DNAI1: variants seen among roughly 807,000 people sequenced by gnomAD.
DNAI1 encodes the protein dynein, axonemal, intermediate polypeptide 1.
A neutral mutation model predicts 92.0 loss-of-function variants in DNAI1; 67 were observed. The observed-to-expected ratio is 0.73, with a 90% CI of 0.60 to 0.89. DNAI1 has a LOEUF of 0.89. Among genes scored for constraint, DNAI1 ranks in the 40% least tolerant of loss-of-function variants. The pLI is 0.00. For missense variants in DNAI1, 839 were observed against 866.6 expected, an observed-to-expected ratio of 0.97 and a Z score of 0.40; for synonymous variants, 323 against 319.6, an observed-to-expected ratio of 1.01 and a Z score of -0.11.
chr9:34,477,580 G>A (rs1824262598), intron 1 of DNAI1, among the ~76,000 whole-genome samples: 1 of 152,158 alleles, frequency 6.6e-6, no homozygotes, highest in Non-Finnish European at 1.5e-5. Flanking sequence ...GCAAAAGATA[G>A]TAAGGGCCTG....
intron 4 of DNAI1, 50 bp downstream of exon 4, chr9:34,485,567 T>G (rs1418087534): frequency 6.4e-7 from 1 of 1,551,906 alleles, no homozygotes. Flanking sequence ...CTCCTTGGAG[T>G]GACAGTGACT....
chr9:34,520,523 A>G, intron 19 of DNAI1, 135 bp from the exon 20 acceptor site: 1 of 787,324 alleles, frequency 1.3e-6, no homozygotes, highest in Non-Finnish European at 2.2e-6. Flanking sequence ...GGGAGAGGGG[A>G]GGCAGGGATC....
At chr9:34,474,211 A>G (rs896858534) in intron 1 of DNAI1, among the ~76,000 whole-genome samples, 1 of 151,966 alleles carries the variant, frequency 6.6e-6, no homozygotes, top group African/African-American at 2.4e-5. Context: ...TATACATCTT[A>G]TTCAGGTGTG....
At chr9:34,459,197 ACT>A in intron 1 of DNAI1, 144 bp downstream of exon 1, 2 of 789,338 alleles carry the variant, frequency 2.5e-6, no homozygotes, top group Non-Finnish European at 4.3e-6. Context: ...AAGTGCTCCC[ACT>A]GACCTCTGAC....
intron 18 of DNAI1, among the ~76,000 whole-genome samples, chr9:34,515,722 G>C (rs1484501244): frequency 6.6e-6 from 1 of 152,190 alleles, no homozygotes; most frequent in Non-Finnish European, 1.5e-5. Flanking sequence ...TAAAAAGCCA[G>C]TCACAAAAGA....
chr9:34,489,462 G>A lies in DNAI1; in HGVS notation c.388+13G>A. The A allele has an allele frequency of 1.9e-6, 3 of 1,612,774 alleles. No individual in the cohort carries two copies. The highest frequency in any genetic ancestry group is 2.5e-6 in the Non-Finnish European group (3 of 1,179,834). On this transcript the variant is annotated intron_variant, in intron 5 of 19. Transcript: ENST00000242317. ...GAATTAGTGGCAGGTAGGACTCTGG[G>A]CCATCCTGAAGCTACAGCCCTGAGC...
At chr9:34,480,922 G>C (rs569270810) in intron 1 of DNAI1, among the ~76,000 whole-genome samples, 1 of 152,288 alleles carries the variant, frequency 6.6e-6, no homozygotes, top group South Asian at 2.1e-4. Context: ...CTCCAGCCTA[G>C]GCAACAGAGT....
At chr9:34,506,512 C>CGAA in intron 12 of DNAI1, 115 bp from the exon 13 acceptor site, 1 of 1,414,526 alleles carries the variant, frequency 7.1e-7, no homozygotes, top group Non-Finnish European at 9.8e-7. Flanking sequence ...ATCCCACACT[C>CGAA]TGACAGATGC....
At chr9:34,482,672 C>A (rs1198071248) in intron 1 of DNAI1, among the ~76,000 whole-genome samples, 2 of 152,286 alleles carry the variant, frequency 1.3e-5, no homozygotes, top group Non-Finnish European at 2.9e-5. Context: ...TCCACGTCCC[C>A]ACCAGACTTA....
Position 34,465,359 on chromosome 9 carries a change from A to G in DNAI1, c.48+6306A>G, listed in dbSNP as rs1824018126. 1.3e-5 allele frequency among the ~76,000 whole-genome samples: 2 copies of G among 151,336 alleles called. 1 individual carries two copies. The highest frequency in any genetic ancestry group is 4.1e-4 in the South Asian group (2 of 4,832). ...AGGAGGAGGCACACTTTGTAACAGG[A>G]CAGGAGAAGGGATGGATGCAGTTGA... On this transcript the variant is annotated intron_variant, in intron 1 of 19. Coordinates refer to ENST00000242317, the MANE Select transcript of DNAI1 (RefSeq NM_012144.4).
rs1375457493 is a variant in DNAI1, at chr9:34,506,710, A to C, written c.1147A>C (p.Asn383His). 1.2e-6 allele frequency: 2 copies of C among 1,614,216 alleles called. No individual in the cohort carries two copies. The highest frequency in any genetic ancestry group is 2.7e-5 in the African/African-American group (2 of 75,050). ...PSFPEYMFSS[N>H]SGVMCLDIHV... ...CTTCCCTGAGTACATGTTCAGCAGCAACAGCGGCGTCATGTGTCTCGACAT... is the reference window on the plus strand; with the variant it reads ...CTTCCCTGAGTACATGTTCAGCAGCCACAGCGGCGTCATGTGTCTCGACAT... The change falls in exon 13 of 20, where the codon AAC (asparagine) becomes CAC (histidine). Residue 383 changes from asparagine to histidine, a missense_variant. Coordinates refer to ENST00000242317, the MANE Select transcript of DNAI1 (RefSeq NM_012144.4).
At chr9:34,515,463 T>C (rs1825155714) in intron 18 of DNAI1, among the ~76,000 whole-genome samples, 1 of 152,100 alleles carries the variant, frequency 6.6e-6, no homozygotes, top group South Asian at 2.1e-4. Flanking sequence ...AAGGGAAAGA[T>C]ACAAAAAGCA....
chr9:34,503,728 C>G (rs1019005765), intron 12 of DNAI1, among the ~76,000 whole-genome samples: 1 of 152,150 alleles, frequency 6.6e-6, no homozygotes, highest in Non-Finnish European at 1.5e-5. Context: ...CAGAAACATC[C>G]CTACCTGCTT....
At chr9:34,486,978 T>G (rs1824485177) in intron 4 of DNAI1, among the ~76,000 whole-genome samples, 1 of 152,262 alleles carries the variant, frequency 6.6e-6, no homozygotes, top group South Asian at 2.1e-4. Flanking sequence ...CAAATAATAT[T>G]CACTTGTATG....
intron 1 of DNAI1, among the ~76,000 whole-genome samples, chr9:34,461,766 C>T (rs1823955683): frequency 1.3e-5 from 2 of 152,180 alleles, no homozygotes; most frequent in Admixed American, 6.5e-5. Flanking sequence ...GTTGTATTTA[C>T]CATTTTCTTG....
Position 34,514,398 on chromosome 9 carries a change from C to T in DNAI1, c.1574C>T (p.Ser525Phe). The change falls in exon 17 of 20, where the codon TCT becomes TTT. Residue 525 changes from serine (S) to phenylalanine (F), a missense_variant. Ser to Phe is a radical substitution (Grantham distance 155). Coordinates refer to ENST00000242317, the MANE Select transcript of DNAI1 (RefSeq NM_012144.4). ...GTEEGKIYKC[S>F]KSYSSQFLDT... ...CCCCGTTCCCTCCCCGACCAGTGCTCTAAATCCTACTCCAGCCAATTCCTC... is the reference window on the plus strand; with the variant it reads ...CCCCGTTCCCTCCCCGACCAGTGCTTTAAATCCTACTCCAGCCAATTCCTC... 3 of 1,614,068 alleles carry T rather than the reference C, an allele frequency of 1.9e-6. No individual in the cohort carries two copies. The highest frequency in any genetic ancestry group is 1.1e-5 in the South Asian group (1 of 91,084).
chr9:34,491,234 T>C (rs1824584153), intron 7 of DNAI1: 7 of 557,086 alleles, frequency 1.3e-5, no homozygotes, highest in Non-Finnish European at 1.9e-5. Context: ...TTAGACTGTA[T>C]CTTGGTTAAA....
At chr9:34,459,170 C>A in intron 1 of DNAI1, 117 bp downstream of exon 1, 2 of 987,286 alleles carry the variant, frequency 2.0e-6, no homozygotes. Flanking sequence ...AGCCTTCTCA[C>A]CCCCGTGACC....
chr9:34,512,440 C>T lies in DNAI1; in HGVS notation c.1489+16C>T, dbSNP rs776411404. ...CACCCAGTGGGTAGGAGCCCCAGCC[C>T]TCTCACCTCCAGGCCTGGCCAGGTC... On this transcript the variant is annotated intron_variant, in intron 15 of 19. Transcript: ENST00000242317. 9.9e-6 allele frequency: 16 copies of T among 1,613,040 alleles called. No individual in the cohort carries two copies. In the Middle Eastern group the frequency reaches 6.6e-4, roughly 66 times the overall value.
Sources: allele counts gnomAD v4.1 joint callset (sites outside exome capture counted in the v4.1 genomes callset), GRCh38; gene constraint gnomAD v4.1.1; transcripts MANE v1.5; gene names NCBI Gene and HGNC (gene_info 2026-07-23, HGNC 2026-07-21).